The following TNK2 variants were observed in gnomAD, a reference collection of about 807,000 sequenced individuals.
TNK2 encodes the protein activated CDC42 kinase 1.
A neutral mutation model predicts 101.8 loss-of-function variants in TNK2; 83 were observed. The observed-to-expected ratio is 0.82, with a 90% CI of 0.68 to 0.98. The LOEUF is 0.98. Among genes scored for constraint, TNK2 ranks in the 50% least tolerant of loss-of-function variants. The pLI is 0.00. For missense variants in TNK2, 1,665 were observed against 1,483.2 expected (o/e 1.12, Z -2.01); for synonymous variants, 804 against 633.0 (o/e 1.27, Z -4.06).
rs559395960 is a variant in TNK2, at chr3:195,886,660, C to T, written c.234+317G>A. Among the ~76,000 whole-genome samples the T allele has an allele frequency of 1.6e-4, 24 of 152,284 alleles. No individual in the cohort carries two copies. The highest frequency in any genetic ancestry group is 6.2e-4 in the South Asian group (3 of 4,828). On this transcript the variant is annotated intron_variant, in intron 3 of 15. Coordinates refer to ENST00000672887, the MANE Select transcript of TNK2 (RefSeq NM_001382273.1). This position sits in a 1 kb window ranked among gnomAD's most constrained non-coding sequence, Gnocchi z 4.2. ...ACCCCACGCTGGACACTGGCCCCAA[C>T]GCTCAGACACAGCAGGGCTAAGTTA...
chr3:195,885,492 C>T lies in TNK2; in HGVS notation c.235-459G>A. ...GCCCTGGCCCCTTCTCTGGCCTGAC[C>T]ATTTGGTGCTGTCTGTCTCCACCCT... is the stretch of plus-strand genomic sequence containing the variant. On this transcript the variant is annotated intron_variant, in intron 3 of 15. Transcript: ENST00000672887. The surrounding 1 kb of genome is among the most constrained non-coding windows in gnomAD (Gnocchi z 4.7). 1 of 1,297,534 alleles carries T rather than the reference C, an allele frequency of 7.7e-7. No individual in the cohort carries two copies. Among genetic ancestry groups the T allele is most frequent in the Non-Finnish European group, 1.0e-6 (1 of 994,310 alleles). 80.4% of individuals were successfully genotyped at this position (1,297,534 alleles called of 1,614,324 possible).
chr3:195,870,327 T>TC (rs1432194921), intron 10 of TNK2, 122 bp from the exon 11 acceptor site: 2 of 1,530,672 alleles, frequency 1.3e-6, no homozygotes, highest in Admixed American at 3.6e-5. Flanking sequence ...AGCACAGGCC[T>TC]CCCGCCTCCC....
intron 1 of TNK2, among the ~76,000 whole-genome samples, chr3:195,898,586 C>CTCTATGTCT (rs1278753524): frequency 1.1e-3 from 169 of 152,172 alleles, no homozygotes; most frequent in Non-Finnish European, 2.0e-3. Context: ...CCCAGCCAAG[C>CTCTATGTCT]CAAGTGTTTG....
Position 195,867,988 on chromosome 3 carries a change from C to CTGGACGTG in TNK2, c.2302_2309dup (p.Gln770HisfsTer81). ...CCTCGCCCGGGGGGGCTGGAGACAGCTGGACGTGTGGGCGCGTGGGCCGAG... is the reference window on the plus strand; with the variant it reads ...CCTCGCCCGGGGGGGCTGGAGACAGCTGGACGTGTGGACGTGTGGGCGCGTGGGCCGAG... On this transcript the variant is annotated frameshift_variant, in exon 13 of 16. Coordinates refer to ENST00000672887, the MANE Select transcript of TNK2 (RefSeq NM_001382273.1). LOFTEE classifies it high-confidence loss of function. The CTGGACGTG allele has an allele frequency of 6.4e-7, 1 of 1,559,198 alleles. No individual in the cohort carries two copies. Among genetic ancestry groups the CTGGACGTG allele is most frequent in the Non-Finnish European group, 8.6e-7 (1 of 1,162,570 alleles).
chr3:195,887,726 T>G (rs1300382807), intron 2 of TNK2, among the ~76,000 whole-genome samples: 1 of 151,932 alleles, frequency 6.6e-6, no homozygotes, highest in Non-Finnish European at 1.5e-5. Context: ...AGAGCAAACC[T>G]GTGTGTATGT....
chr3:195,886,991 A>T lies in TNK2; in HGVS notation c.220T>A (p.Ser74Thr), dbSNP rs771787058. The T allele has an allele frequency of 3.7e-6, 6 of 1,613,300 alleles. No individual in the cohort carries two copies. Among genetic ancestry groups the T allele is most frequent in the South Asian group, 1.1e-5 (1 of 91,070 alleles). Reference protein sequence around the residue: ...KRRKALCKRKSWMSKVFSGKR... With the variant: ...KRRKALCKRKTWMSKVFSGKR... ...TCCTCACCCACCTTACTCATCCACG[A>T]CTTGCGTTTGCACAAGGCCTTCCTC... The change falls in exon 3 of 16, where the codon TCG (serine) becomes ACG (threonine). Residue 74 changes from serine (S) to threonine (T), a missense_variant. Ser to Thr is a moderately conservative substitution (Grantham distance 58, BLOSUM62 1). Around this residue, in one of 3 missense-constraint regions of TNK2, gnomAD observed 490 missense variants for 522.5 expected, o/e 0.94. Coordinates refer to ENST00000672887, the MANE Select transcript of TNK2 (RefSeq NM_001382273.1). The surrounding 1 kb of genome is among the most constrained non-coding windows in gnomAD (Gnocchi z 4.2).
rs756816319 is a variant in TNK2 at position 195,888,497 on chromosome 3, T to A, written c.92A>T (p.Asn31Ile). The change falls in exon 2 of 16, where the codon AAC becomes ATC. Residue 31 changes from asparagine to isoleucine, a missense_variant. Coordinates refer to ENST00000672887, the MANE Select transcript of TNK2 (RefSeq NM_001382273.1). The surrounding 1 kb of genome is among the most constrained non-coding windows in gnomAD (Gnocchi z 5.3). ...CTCAAAGTGGGACAGGCGGGTGACG[T>A]TGAGGTCATCTCGGAGCCGCAGGAA... The part of the protein sequence containing the change: ...QYFLRLRDDL[N>I]VTRLSHFEYV... 2 of 1,613,904 alleles carry A rather than the reference T, an allele frequency of 1.2e-6. No individual in the cohort carries two copies. Among genetic ancestry groups the A allele is most frequent in the South Asian group, 1.1e-5 (1 of 91,048 alleles).
Position 195,878,601 on chromosome 3 carries a change from G to A in TNK2, c.1015-9C>T. On this transcript the variant is annotated splice_polypyrimidine_tract_variant and intron_variant, in intron 7 of 15. Coordinates refer to ENST00000672887, the MANE Select transcript of TNK2 (RefSeq NM_001382273.1). This position sits in a 1 kb window ranked among gnomAD's most constrained non-coding sequence, Gnocchi z 4.7. ...TCGATCTTATGCAGGATCTGAAGGT[G>A]AGGAGGTGCAGAGTTTGACGACAAA... 1.2e-6 allele frequency: 2 copies of A among 1,610,768 alleles called. No individual in the cohort carries two copies. Among genetic ancestry groups the A allele is most frequent in the Non-Finnish European group, 1.7e-6 (2 of 1,178,572 alleles).
intron 10 of TNK2, among the ~76,000 whole-genome samples, chr3:195,871,633 T>A (rs1745393312): frequency 6.6e-6 from 1 of 151,996 alleles, no homozygotes; most frequent in African/African-American, 2.4e-5. Context: ...AAGGCCCGAG[T>A]ACCAAGAGGG....
In TNK2 at chr3:195,867,196, G is replaced by A. The variant is rs749609547; in HGVS notation, c.3006C>T (p.Ser1002=). 1.1e-5 allele frequency: 18 copies of A among 1,612,972 alleles called. No individual in the cohort carries two copies. Among genetic ancestry groups the A allele is most frequent in the Admixed American group, 3.3e-5 (2 of 60,032 alleles). Reference sequence around the variant, plus strand: ...TCAGATACTGGGCAGCCCTCTGCACGCTCCAGCCGTGGCACTGCAGGGCCG... The same window carrying A: ...TCAGATACTGGGCAGCCCTCTGCACACTCCAGCCGTGGCACTGCAGGGCCG... ...CQAALQCHGW[S]VQRAAQYLKV... Residue 1002 remains serine, a synonymous_variant, in exon 14 of 16, where the codon AGC becomes AGT. Transcript: ENST00000672887.
At chr3:195,866,057 T>C (rs1032930923) in intron 15 of TNK2, among the ~76,000 whole-genome samples, 1 of 152,238 alleles carries the variant, frequency 6.6e-6, no homozygotes, top group African/African-American at 2.4e-5. Context: ...CTCAGTTCAC[T>C]TCTTTTTGAC....
rs116515392 is a variant in TNK2 at position 195,892,400 on chromosome 3, C to T, written c.-18-3794G>A. On this transcript the variant is annotated intron_variant, in intron 1 of 15. Coordinates refer to ENST00000672887, the MANE Select transcript of TNK2 (RefSeq NM_001382273.1). Reference sequence around the variant, plus strand: ...CAGTCCCCAGCAGTCCAGCCCCTGCCCCCCACTCACTGTGTACAGGCGTCG... The same window carrying T: ...CAGTCCCCAGCAGTCCAGCCCCTGCTCCCCACTCACTGTGTACAGGCGTCG... 2,690 of 1,529,912 alleles carry T rather than the reference C, an allele frequency of 1.8e-3. 48 individuals carry two copies. In the African/African-American group the frequency reaches 0.033, roughly 19 times the overall value. The allele number at this position is 1,529,912 out of a possible 1,614,324, so 94.8% of individuals were successfully genotyped here.
At position 195,868,509 on chromosome 3, in the gene TNK2, G is replaced by T; in HGVS notation, c.1789C>A (p.Leu597Ile). Residue 597 changes from leucine (L) to isoleucine (I), a missense_variant, in exon 13 of 16, where the codon CTA (leucine) becomes ATA (isoleucine). Leu to Ile is a conservative substitution (Grantham distance 5). Coordinates refer to ENST00000672887, the MANE Select transcript of TNK2 (RefSeq NM_001382273.1). Reference sequence around the variant, plus strand: ...GCCAGGGAGGGCGCGCAGGGCCGTAGGGCCGGGACCACGGGCTCCTCACCG... The same window carrying T: ...GCCAGGGAGGGCGCGCAGGGCCGTATGGCCGGGACCACGGGCTCCTCACCG... ...DFGEEPVVPA[L>I]RPCAPSLAQL... is the part of the protein sequence containing the mutation. The T allele has an allele frequency of 6.4e-7, 1 of 1,554,448 alleles. No homozygotes were observed. Among genetic ancestry groups the T allele is most frequent in the Non-Finnish European group, 8.6e-7 (1 of 1,159,686 alleles).
In TNK2 at chr3:195,888,733, C is replaced by G; in HGVS notation, c.-18-127G>C. On this transcript the variant is annotated intron_variant, in intron 1 of 15. Transcript: ENST00000672887. This position sits in a 1 kb window ranked among gnomAD's most constrained non-coding sequence, Gnocchi z 5.3. ...GAAGGGCTCACACCACCTTCTGACT[C>G]CCGAGGGAAGCTACCGAGAACCGCC... 2.2e-6 allele frequency: 2 copies of G among 913,918 alleles called. No individual in the cohort carries two copies. The highest frequency in any genetic ancestry group is 1.8e-5 in the South Asian group (1 of 55,964). The allele number at this position is 913,918 out of a possible 1,614,324, so 56.6% of individuals were successfully genotyped here. A position where few individuals can be genotyped will look rare whatever the true frequency, so the allele number is the denominator to read the frequency against.
intron 1 of TNK2, among the ~76,000 whole-genome samples, chr3:195,890,798 T>C (rs1361691782): frequency 6.6e-6 from 1 of 152,338 alleles, no homozygotes; most frequent in Non-Finnish European, 1.5e-5. Context: ...AAATGGACTT[T>C]GCTTTATTCA....
intron 9 of TNK2, among the ~76,000 whole-genome samples, chr3:195,873,001 G>A (rs949963187): frequency 2.0e-5 from 3 of 152,188 alleles, no homozygotes; most frequent in Non-Finnish European, 4.4e-5. Flanking sequence ...CAGGCCTCCA[G>A]CTACAACCTG....
intron 15 of TNK2, among the ~76,000 whole-genome samples, chr3:195,865,089 G>A (rs1474151316): frequency 4.2e-5 from 5 of 120,290 alleles, no homozygotes; most frequent in African/African-American, 9.5e-5. Context: ...TGCGTCCCAG[G>A]TGCAAATCAG....
At chr3:195,895,369 A>G in intron 1 of TNK2, 1 of 1,553,856 alleles carries the variant, frequency 6.4e-7, no homozygotes, top group Non-Finnish European at 8.7e-7. Flanking sequence ...CCGCAGCGGC[A>G]CCGGCAGCGT....
At chr3:195,900,753 A>G (rs1050906709) in intron 1 of TNK2, among the ~76,000 whole-genome samples, 3 of 152,190 alleles carry the variant, frequency 2.0e-5, no homozygotes, top group African/African-American at 7.2e-5. Flanking sequence ...TGTCCTGCCC[A>G]TGCACTGTCA....
Sources: gnomAD v4.1 joint callset for allele counts (sites outside exome capture counted in the v4.1 genomes callset) on GRCh38, gnomAD v4.1.1 for gene constraint, gnomAD v4.1.1 regional missense constraint, Gnocchi (gnomAD v3.1) non-coding constraint, MANE v1.5 for transcripts, NCBI Gene and HGNC (gene_info 2026-07-23, HGNC 2026-07-21) for gene names.